Variants in SKAP1 observed in about 807,000 individuals in gnomAD.
The protein encoded by SKAP1 is src kinase associated phosphoprotein 1.
SKAP1 carries 44 observed loss-of-function variants against 58.5 expected under a neutral mutation model. The ratio of observed to expected loss-of-function variants is 0.75; its 90% confidence interval spans 0.59 to 0.97. SKAP1 has a LOEUF of 0.97. Ranked by LOEUF, SKAP1 falls within the 50% of genes least tolerant of loss-of-function variation. The pLI, the probability that SKAP1 is intolerant of heterozygous loss-of-function variation, is 0.00. For synonymous variants in SKAP1, 127 were observed against 149.7 expected (o/e 0.85, Z 1.11); for missense variants, 390 against 435.2 (o/e 0.90, Z 0.92).
chr17:48,176,154 TATA>T (rs2064286893), intron 9 of SKAP1, among the ~76,000 whole-genome samples: 1 of 152,180 alleles, frequency 6.6e-6, no homozygotes, highest in Non-Finnish European at 1.5e-5. Flanking sequence ...TTTCTAGGTT[TATA>T]ATAACACCCT....
At chr17:48,278,441 G>A (rs1367037972) in intron 4 of SKAP1, among the ~76,000 whole-genome samples, 1 of 152,100 alleles carries the variant, frequency 6.6e-6, no homozygotes, top group Non-Finnish European at 1.5e-5. Context: ...AATTATAATA[G>A]AATATAATTC....
intron 4 of SKAP1, among the ~76,000 whole-genome samples, chr17:48,247,434 T>C (rs1188952092): frequency 6.6e-6 from 1 of 152,236 alleles, no homozygotes; most frequent in Admixed American, 6.5e-5. Flanking sequence ...GGCTGCAATT[T>C]GCAAGCTAAG....
At chr17:48,288,140 T>C (rs751829303) in intron 4 of SKAP1, among the ~76,000 whole-genome samples, 2 of 152,230 alleles carry the variant, frequency 1.3e-5, no homozygotes, top group Non-Finnish European at 2.9e-5. Context: ...GTCTGATTTC[T>C]ATGAATTCAT....
At chr17:48,373,993 A>C (rs190324576) in intron 2 of SKAP1, among the ~76,000 whole-genome samples, 69 of 152,282 alleles carry the variant, frequency 4.5e-4, no homozygotes, top group Admixed American at 4.1e-3. Context: ...GAACAAAATC[A>C]AATCTCTTCT....
chr17:48,169,705 G>A (rs1405432832), intron 10 of SKAP1, among the ~76,000 whole-genome samples: 2 of 152,288 alleles, frequency 1.3e-5, no homozygotes, highest in East Asian at 3.9e-4. Flanking sequence ...AGAAATGGGG[G>A]TTTTGCTGGA....
intron 4 of SKAP1, among the ~76,000 whole-genome samples, chr17:48,339,647 T>C (rs899629471): frequency 4.6e-5 from 7 of 152,188 alleles, no homozygotes; most frequent in Admixed American, 3.3e-4. Flanking sequence ...CCCTAAATTA[T>C]GCACATTTTA....
intron 4 of SKAP1, among the ~76,000 whole-genome samples, chr17:48,330,691 G>A (rs2066493793): frequency 6.6e-6 from 1 of 152,190 alleles, no homozygotes; most frequent in Admixed American, 6.5e-5. Context: ...ATTTCAAGAA[G>A]CTGTTTTATT....
At chr17:48,289,907 A>G (rs1293048933) in intron 4 of SKAP1, among the ~76,000 whole-genome samples, 2 of 152,152 alleles carry the variant, frequency 1.3e-5, no homozygotes, top group African/African-American at 4.8e-5. Flanking sequence ...TGTTTCACCT[A>G]AAGAGTGGCT....
chr17:48,357,990 T>C (rs889126076), intron 3 of SKAP1, among the ~76,000 whole-genome samples: 2 of 152,208 alleles, frequency 1.3e-5, no homozygotes, highest in African/African-American at 4.8e-5. Flanking sequence ...CATTTCCCCC[T>C]TATTAAATCC....
At chr17:48,182,834 G>C (rs1005633782) in intron 7 of SKAP1, among the ~76,000 whole-genome samples, 4 of 152,232 alleles carry the variant, frequency 2.6e-5, no homozygotes, top group African/African-American at 9.6e-5. Context: ...CGGATATCAA[G>C]AGGAGACAGG....
intron 4 of SKAP1, among the ~76,000 whole-genome samples, chr17:48,266,743 C>T (rs1209443454): frequency 1.3e-5 from 2 of 152,080 alleles, no homozygotes; most frequent in African/African-American, 2.4e-5. Flanking sequence ...ATCTCTTGAC[C>T]TCGTGATCCA....
chr17:48,321,464 G>A (rs1002786034), intron 4 of SKAP1, among the ~76,000 whole-genome samples: 9 of 151,146 alleles, frequency 6.0e-5, no homozygotes, highest in African/African-American at 1.9e-4. Context: ...TGCAAGCTCC[G>A]TCTTCCGGGT....
chr17:48,247,642 C>T (rs942698137), intron 4 of SKAP1, among the ~76,000 whole-genome samples: 1 of 152,126 alleles, frequency 6.6e-6, no homozygotes, highest in Non-Finnish European at 1.5e-5. Context: ...ACAATACATA[C>T]ACCACCTTTA....
chr17:48,187,520 C>T (rs1352892538), intron 6 of SKAP1, among the ~76,000 whole-genome samples: 1 of 152,046 alleles, frequency 6.6e-6, no homozygotes, highest in Non-Finnish European at 1.5e-5. Context: ...GGTATTGATG[C>T]CTGTAAAGAG....
chr17:48,310,003 C>T (rs1340937722), intron 4 of SKAP1, among the ~76,000 whole-genome samples: 1 of 152,246 alleles, frequency 6.6e-6, no homozygotes, highest in African/African-American at 2.4e-5. Flanking sequence ...TTTGCCTGCA[C>T]TTGCACAAAT....
intron 4 of SKAP1, among the ~76,000 whole-genome samples, chr17:48,321,509 C>T (rs986130493): frequency 8.6e-5 from 13 of 151,962 alleles, no homozygotes; most frequent in Admixed American, 8.5e-4. Flanking sequence ...TCCCAAGTAG[C>T]TGGGACTACA....
chr17:48,401,383 A>G (rs1171638489), intron 1 of SKAP1, among the ~76,000 whole-genome samples: 1 of 152,168 alleles, frequency 6.6e-6, no homozygotes, highest in Non-Finnish European at 1.5e-5. Flanking sequence ...AACTTACCAC[A>G]AAACTACAGC....
intron 4 of SKAP1, among the ~76,000 whole-genome samples, chr17:48,240,819 T>C (rs891850599): frequency 3.3e-4 from 51 of 152,298 alleles, no homozygotes; most frequent in Admixed American, 3.1e-3. Flanking sequence ...CAATCCAGAT[T>C]ACCTAGAAAG....
At chr17:48,333,607 C>G (rs1375615866) in intron 4 of SKAP1, among the ~76,000 whole-genome samples, 1 of 151,992 alleles carries the variant, frequency 6.6e-6, no homozygotes, top group Non-Finnish European at 1.5e-5. Context: ...GCTGGTAAGA[C>G]AAGCCATATA....
Sources: gnomAD v4.1 joint callset for allele counts (sites outside exome capture counted in the v4.1 genomes callset) on GRCh38, gnomAD v4.1.1 for gene constraint, MANE v1.5 for transcripts, NCBI Gene and HGNC (gene_info 2026-07-23, HGNC 2026-07-21) for gene names.